The following ARHGEF3 variants were observed in gnomAD, a reference collection of about 807,000 sequenced individuals.
The protein encoded by ARHGEF3 is Rho guanine nucleotide exchange factor 3.
Under a neutral mutation model 63.2 loss-of-function variants are expected in ARHGEF3, and 28 were observed. That is an observed-to-expected ratio of 0.44 (90% confidence interval 0.33 to 0.61). The LOEUF (loss-of-function observed/expected upper bound fraction) is 0.61, where lower values mean the gene tolerates loss of function less well. Ranked by LOEUF, ARHGEF3 falls within the 20% of genes least tolerant of loss-of-function variation. The pLI is 0.03. For missense variants in ARHGEF3, 533 were observed against 659.3 expected, an observed-to-expected ratio of 0.81 and a Z score of 2.10; for synonymous variants, 266 against 254.2, an observed-to-expected ratio of 1.05 and a Z score of -0.44.
chr3:56,910,423 A>T (rs1010182886), intron 3 of ARHGEF3, among the ~76,000 whole-genome samples: 3 of 152,230 alleles, frequency 2.0e-5, no homozygotes, highest in African/African-American at 7.2e-5. Flanking sequence ...ACTGGACCTC[A>T]GATGCTCAGA....
intron 2 of ARHGEF3, among the ~76,000 whole-genome samples, chr3:56,985,334 C>A (rs1443186782): frequency 6.6e-6 from 1 of 152,254 alleles, no homozygotes; most frequent in Non-Finnish European, 1.5e-5. Context: ...GGCGATCTGC[C>A]CGCCTCGGCC....
At chr3:57,007,653 C>T (rs961597168) in intron 2 of ARHGEF3, among the ~76,000 whole-genome samples, 1 of 152,164 alleles carries the variant, frequency 6.6e-6, no homozygotes. Flanking sequence ...GGGTGAGTTC[C>T]GGGAACTCTG....
intron 3 of ARHGEF3, 126 bp from the exon 4 acceptor site, chr3:56,753,692 C>T: frequency 1.3e-6 from 1 of 790,038 alleles, no homozygotes; most frequent in Non-Finnish European, 2.1e-6. Flanking sequence ...TTACGTTAAC[C>T]TGAAGCAAAT....
chr3:57,029,169 G>A (rs1201898420), intron 2 of ARHGEF3, among the ~76,000 whole-genome samples: 12 of 152,152 alleles, frequency 7.9e-5, no homozygotes, highest in Non-Finnish European at 8.8e-5. Flanking sequence ...GGTGGCTCAC[G>A]CCTGCAATCC....
At chr3:57,011,137 G>C (rs561304583) in intron 2 of ARHGEF3, among the ~76,000 whole-genome samples, 2 of 152,284 alleles carry the variant, frequency 1.3e-5, no homozygotes, top group South Asian at 4.1e-4. Flanking sequence ...TCGGAGGGAA[G>C]GTGAAACTGG....
Position 56,773,726 on chromosome 3 carries a change from A to G in ARHGEF3, c.187T>C (p.Phe63Leu). The G allele has an allele frequency of 6.3e-7, 1 of 1,588,052 alleles. No individual in the cohort carries two copies. The highest frequency in any genetic ancestry group is 8.5e-7 in the Non-Finnish European group (1 of 1,171,192). ...PPVKATPLKR[F>L]SQTLQRSISF... Reference sequence around the variant, plus strand: ...CTTCTTACCTGCAGGGTTTGACTGAAGCGCTTTAATGGCGTGGCCTTCACG... The same window carrying G: ...CTTCTTACCTGCAGGGTTTGACTGAGGCGCTTTAATGGCGTGGCCTTCACG... Residue 63 changes from phenylalanine to leucine, a missense_variant, in exon 2 of 10, where the codon TTC becomes CTC. Physicochemically the swap from Phe to Leu is conservative, Grantham distance 22 (BLOSUM62 0). Transcript: ENST00000296315.
At chr3:56,804,932 G>C (rs535276061), upstream of ARHGEF3, among the ~76,000 whole-genome samples, 1 of 152,222 alleles carries the variant, frequency 6.6e-6, no homozygotes, top group East Asian at 1.9e-4. Context: ...CCAAGAACCT[G>C]TGCCCAAGTA....
At chr3:56,895,920 G>T (rs780600924) in intron 3 of ARHGEF3, among the ~76,000 whole-genome samples, 15 of 152,262 alleles carry the variant, frequency 9.9e-5, no homozygotes, top group Non-Finnish European at 1.6e-4. Context: ...AGCTATTTTT[G>T]ATTAAATAAT....
At chr3:56,925,487 C>T (rs143997978) in intron 3 of ARHGEF3, among the ~76,000 whole-genome samples, 223 of 152,312 alleles carry the variant, frequency 1.5e-3, no homozygotes, top group African/African-American at 5.2e-3. Flanking sequence ...TCATGATACC[C>T]TACTGATTTC....
chr3:56,792,902 C>G (rs1334449514), intron 1 of ARHGEF3, among the ~76,000 whole-genome samples: 1 of 152,042 alleles, frequency 6.6e-6, no homozygotes. Context: ...ATCTGCCTGC[C>G]TCAGCCTCCC....
intron 2 of ARHGEF3, among the ~76,000 whole-genome samples, chr3:56,972,981 G>A (rs1700977951): frequency 6.6e-6 from 1 of 151,670 alleles, no homozygotes; most frequent in Admixed American, 6.6e-5. Context: ...TGGTGGCAGT[G>A]GGGGTGGTGA....
At chr3:56,861,900 A>G (rs1017004100) in intron 4 of ARHGEF3, among the ~76,000 whole-genome samples, 1 of 148,500 alleles carries the variant, frequency 6.7e-6, no homozygotes. Flanking sequence ...TCTCTACCAA[A>G]TGTCTTCAAT....
At chr3:57,030,982 C>G (rs966041668) in intron 2 of ARHGEF3, among the ~76,000 whole-genome samples, 18 of 152,194 alleles carry the variant, frequency 1.2e-4, no homozygotes, top group Non-Finnish European at 2.6e-4. Context: ...GGCAGGGATT[C>G]CAGGGAGCCC....
chr3:57,006,353 A>T (rs1318037155), intron 2 of ARHGEF3, among the ~76,000 whole-genome samples: 2 of 152,314 alleles, frequency 1.3e-5, no homozygotes, highest in Non-Finnish European at 2.9e-5. Context: ...GATAGATTTC[A>T]GTTGTTTTCA....
At chr3:56,950,627 C>G (rs1182071205) in intron 3 of ARHGEF3, among the ~76,000 whole-genome samples, 1 of 152,018 alleles carries the variant, frequency 6.6e-6, no homozygotes, top group Non-Finnish European at 1.5e-5. Flanking sequence ...AAGTCAGAAA[C>G]AACAGGTGCT....
chr3:57,069,713 C>T (rs1189438265), intron 1 of ARHGEF3, among the ~76,000 whole-genome samples: 1 of 152,110 alleles, frequency 6.6e-6, no homozygotes, highest in Non-Finnish European at 1.5e-5. Flanking sequence ...AGTGTGAGCA[C>T]AGCTCATTGC....
Position 56,919,852 on chromosome 3 carries a change from G to A in ARHGEF3, c.130-37498C>T, listed in dbSNP as rs373649199. On this transcript the variant is annotated intron_variant, in intron 3 of 12. Coordinates refer to the ARHGEF3 transcript ENST00000338458. ...GGTGGTGTACGCCTACCCATGGCAC[G>A]TGGCCTAGAGGTGGTGAGGTTGGTC... Among the ~76,000 whole-genome samples, 7 of 152,280 alleles carry A rather than the reference G, an allele frequency of 4.6e-5. No homozygotes were observed. The East Asian group carries it at 1.2e-3, about 25-fold the overall frequency.
intron 3 of ARHGEF3, among the ~76,000 whole-genome samples, chr3:56,928,804 G>A (rs898964457): frequency 9.8e-5 from 15 of 152,318 alleles, no homozygotes; most frequent in African/African-American, 3.4e-4. Context: ...GAATTCCTCT[G>A]CTGCAGAACA....
chr3:56,842,276 C>G (rs903821763), intron 4 of ARHGEF3, among the ~76,000 whole-genome samples: 1 of 152,118 alleles, frequency 6.6e-6, no homozygotes, highest in African/African-American at 2.4e-5. Flanking sequence ...TTATATATGT[C>G]TTTATTTTAA....
Sources: gnomAD v4.1 joint callset for allele counts (sites outside exome capture counted in the v4.1 genomes callset) on GRCh38, gnomAD v4.1.1 for gene constraint, MANE v1.5 for transcripts, NCBI Gene and HGNC (gene_info 2026-07-23, HGNC 2026-07-21) for gene names.